Variants in ATP6V1H observed in about 807,000 individuals in gnomAD.
ATP6V1H encodes the protein ATPase H+ transporting V1 subunit H, also known as V-type proton ATPase subunit H.
ATP6V1H carries 39 observed loss-of-function variants against 71.7 expected under a neutral mutation model. The observed-to-expected ratio is 0.54, with a 90% CI of 0.42 to 0.71. The LOEUF is 0.71. Ranked by LOEUF, ATP6V1H falls within the 30% of genes least tolerant of loss-of-function variation. ATP6V1H has a pLI of 0.00. For synonymous variants in ATP6V1H, 192 were observed against 199.3 expected (o/e 0.96, Z 0.31); for missense variants, 509 against 594.9 (o/e 0.86, Z 1.50).
At chr8:53,740,509 G>A (rs1171155928) in intron 13 of ATP6V1H, among the ~76,000 whole-genome samples, 2 of 152,146 alleles carry the variant, frequency 1.3e-5, no homozygotes, top group Non-Finnish European at 2.9e-5. Flanking sequence ...TCACTATGGA[G>A]GGCTAAAATA....
intron 9 of ATP6V1H, among the ~76,000 whole-genome samples, chr8:53,773,921 A>G (rs968291318): frequency 1.3e-5 from 2 of 152,222 alleles, no homozygotes; most frequent in Non-Finnish European, 2.9e-5. Context: ...GTGGAGATAA[A>G]ACAGAAAAAG....
chr8:53,775,109 G>A (rs542569646), intron 9 of ATP6V1H, among the ~76,000 whole-genome samples: 9 of 152,284 alleles, frequency 5.9e-5, no homozygotes, highest in African/African-American at 2.2e-4. Flanking sequence ...CTTCCTTCTG[G>A]TGGGTTCATG....
Position 53,793,888 on chromosome 8 carries a change from G to C in ATP6V1H, c.870+1759C>G, listed in dbSNP as rs571135773. 5.4e-4 allele frequency among the ~76,000 whole-genome samples: 82 copies of C among 152,250 alleles called. 1 individual carries two copies. Among genetic ancestry groups the C allele is most frequent in the Non-Finnish European group, 1.0e-3 (70 of 68,014 alleles). ...CAGGAGGTGGAGGTTACAGTGAGCT[G>C]AGATTGCACCACTGCACTCCAGCTT... is the stretch of plus-strand genomic sequence containing the variant. On this transcript the variant is annotated intron_variant, in intron 9 of 13. Transcript: ENST00000359530.
At chr8:53,790,594 G>A (rs950904879) in intron 9 of ATP6V1H, among the ~76,000 whole-genome samples, 1 of 152,188 alleles carries the variant, frequency 6.6e-6, no homozygotes, top group Non-Finnish European at 1.5e-5. Flanking sequence ...AAAGCACGGA[G>A]AGGCTAAGCA....
chr8:53,811,021 T>C, intron 7 of ATP6V1H, 143 bp downstream of exon 7: 4 of 528,386 alleles, frequency 7.6e-6, no homozygotes, highest in Non-Finnish European at 1.4e-5. Context: ...TATTTATATA[T>C]AGTTTATAAT....
At chr8:53,717,113 A>T (rs1806451430) in intron 13 of ATP6V1H, among the ~76,000 whole-genome samples, 1 of 152,146 alleles carries the variant, frequency 6.6e-6, no homozygotes, top group Non-Finnish European at 1.5e-5. Flanking sequence ...ATCGCCAAGA[A>T]ACCACCTTTG....
At chr8:53,795,019 C>T (rs1799176299) in intron 9 of ATP6V1H, among the ~76,000 whole-genome samples, 1 of 152,080 alleles carries the variant, frequency 6.6e-6, no homozygotes, top group African/African-American at 2.4e-5. Flanking sequence ...TCTAAAGTGA[C>T]CAACAAAATT....
intron 12 of ATP6V1H, among the ~76,000 whole-genome samples, chr8:53,751,388 G>T (rs1378885822): frequency 6.6e-6 from 1 of 152,298 alleles, no homozygotes; most frequent in South Asian, 2.1e-4. Context: ...TGTACTAACC[G>T]AATTGGAAGT....
chr8:53,720,956 T>C (rs1806590313), intron 13 of ATP6V1H, among the ~76,000 whole-genome samples: 1 of 152,208 alleles, frequency 6.6e-6, no homozygotes, highest in Admixed American at 6.5e-5. Context: ...ATAACGATCA[T>C]TAAAACTACA....
intron 12 of ATP6V1H, among the ~76,000 whole-genome samples, chr8:53,755,331 C>T (rs533214379): frequency 6.6e-6 from 1 of 152,036 alleles, no homozygotes; most frequent in South Asian, 2.1e-4. Context: ...TTAACCATCC[C>T]TTAATTGTAT....
At chr8:53,774,244 T>C (rs1269797106) in intron 9 of ATP6V1H, among the ~76,000 whole-genome samples, 1 of 152,228 alleles carries the variant, frequency 6.6e-6, no homozygotes, top group African/African-American at 2.4e-5. Context: ...AATATTTTTG[T>C]TGCCTATAGA....
intron 2 of ATP6V1H, chr8:53,839,689 A>G (rs916687550): frequency 3.0e-6 from 3 of 985,448 alleles, no homozygotes; most frequent in Non-Finnish European, 3.6e-6. Flanking sequence ...TCCCGGCTAC[A>G]AGATTCATTG....
chr8:53,806,608 T>C (rs1468104755), intron 7 of ATP6V1H: 1 of 159,824 alleles, frequency 6.3e-6, no homozygotes, highest in African/African-American at 2.4e-5. Context: ...ATTTTCTTTA[T>C]AAATTATTGC....
intron 12 of ATP6V1H, among the ~76,000 whole-genome samples, chr8:53,749,851 C>T (rs1333436767): frequency 1.3e-5 from 2 of 151,974 alleles, no homozygotes; most frequent in Admixed American, 1.3e-4. Context: ...TTATGCCAGA[C>T]TTGTGCTATT....
chr8:53,722,366 G>A (rs1461020891), intron 13 of ATP6V1H, among the ~76,000 whole-genome samples: 5 of 152,162 alleles, frequency 3.3e-5, no homozygotes, highest in African/African-American at 4.8e-5. Flanking sequence ...ATAATCAAAA[G>A]CAGCCTGCAC....
At chr8:53,834,678 C>G (rs1318842144) in intron 2 of ATP6V1H, among the ~76,000 whole-genome samples, 1 of 152,134 alleles carries the variant, frequency 6.6e-6, no homozygotes, top group Non-Finnish European at 1.5e-5. Flanking sequence ...CCTGCCTCAG[C>G]CTCCCAAAGT....
chr8:53,801,993 A>T, intron 7 of ATP6V1H, 97 bp from the exon 8 acceptor site: 1 of 1,064,296 alleles, frequency 9.4e-7, no homozygotes, highest in Non-Finnish European at 1.4e-6. Context: ...TACCTACTGG[A>T]ATTACCATCT....
intron 4 of ATP6V1H, among the ~76,000 whole-genome samples, chr8:53,820,984 AAAAAAAAAAAAG>A (rs1398506303): frequency 1.3e-5 from 2 of 150,802 alleles, no homozygotes; most frequent in South Asian, 2.1e-4. Context: ...TCTGTCTCAA[AAAAAAAAAAAAG>A]AAAAAGAAAA....
At chr8:53,760,708 C>A (rs1808242583) in intron 11 of ATP6V1H, among the ~76,000 whole-genome samples, 1 of 152,158 alleles carries the variant, frequency 6.6e-6, no homozygotes, top group Non-Finnish European at 1.5e-5. Context: ...ACTGACAGAA[C>A]AGACTCCCTT....
Sources: gnomAD v4.1 joint callset for allele counts (sites outside exome capture counted in the v4.1 genomes callset) on GRCh38, gnomAD v4.1.1 for gene constraint, MANE v1.5 for transcripts, NCBI Gene and HGNC (gene_info 2026-07-23, HGNC 2026-07-21) for gene names.